PTPRG: variants seen among roughly 807,000 people sequenced by gnomAD.
PTPRG encodes protein tyrosine phosphatase receptor type G.
In PTPRG, 102 loss-of-function variants were observed where a neutral mutation model predicts 165.3. The ratio of observed to expected loss-of-function variants is 0.62; its 90% confidence interval spans 0.53 to 0.73. The LOEUF (loss-of-function observed/expected upper bound fraction) is 0.73. Ranked by LOEUF, PTPRG falls within the 30% of genes least tolerant of loss-of-function variation. PTPRG has a pLI of 0.00. For synonymous variants in PTPRG, 675 were observed against 669.5 expected (o/e 1.01, Z -0.13); for missense variants, 1,866 against 1,861.4 (o/e 1.00, Z -0.05).
chr3:61,742,271 A>G (rs2033020023), intron 1 of PTPRG, among the ~76,000 whole-genome samples: 1 of 152,112 alleles, frequency 6.6e-6, no homozygotes, highest in South Asian at 2.1e-4. Context: ...AAAAACATTT[A>G]TTCTTATAAA....
At chr3:61,733,786 T>G (rs2032611721) in intron 1 of PTPRG, among the ~76,000 whole-genome samples, 1 of 152,144 alleles carries the variant, frequency 6.6e-6, no homozygotes, top group African/African-American at 2.4e-5. Context: ...ATTGATCAAC[T>G]CTTCACTTTT....
At chr3:61,788,084 C>T (rs2034763354) in intron 2 of PTPRG, among the ~76,000 whole-genome samples, 1 of 152,136 alleles carries the variant, frequency 6.6e-6, no homozygotes, top group South Asian at 2.1e-4. Flanking sequence ...TACCTGTCCT[C>T]AAAGGACACA....
chr3:62,044,484 A>G (rs1700225720), intron 4 of PTPRG, among the ~76,000 whole-genome samples: 1 of 152,128 alleles, frequency 6.6e-6, no homozygotes, highest in African/African-American at 2.4e-5. Context: ...GGTTGCAGTT[A>G]GCTGAGATCA....
chr3:62,038,770 T>G (rs569095553), intron 4 of PTPRG, among the ~76,000 whole-genome samples: 109 of 152,220 alleles, frequency 7.2e-4, no homozygotes, highest in African/African-American at 2.1e-3. Flanking sequence ...GAGATATATA[T>G]AGAGAGATTT....
At chr3:61,854,442 C>G (rs940204793) in intron 2 of PTPRG, among the ~76,000 whole-genome samples, 1 of 152,178 alleles carries the variant, frequency 6.6e-6, no homozygotes. Context: ...TCTGTCTTCT[C>G]TATTTACTCT....
chr3:62,113,257 A>T (rs1035067771), intron 5 of PTPRG, among the ~76,000 whole-genome samples: 1 of 152,072 alleles, frequency 6.6e-6, no homozygotes, highest in Admixed American at 6.5e-5. Flanking sequence ...TGTTCCTATT[A>T]CCTGCCACAG....
chr3:62,120,615 G>A (rs771392046), intron 5 of PTPRG, among the ~76,000 whole-genome samples: 1 of 151,914 alleles, frequency 6.6e-6, no homozygotes, highest in Non-Finnish European at 1.5e-5. Context: ...GCCAAGAATG[G>A]TGGCATGCAC....
chr3:61,725,505 A>C (rs2032220379), intron 1 of PTPRG, among the ~76,000 whole-genome samples: 1 of 152,174 alleles, frequency 6.6e-6, no homozygotes. Flanking sequence ...TTTGTCAAAA[A>C]TCAGTTGGCC....
chr3:61,633,395 G>A (rs959024368), intron 1 of PTPRG, among the ~76,000 whole-genome samples: 3 of 152,198 alleles, frequency 2.0e-5, no homozygotes, highest in African/African-American at 7.2e-5. Flanking sequence ...GAAAGTCATT[G>A]GGATGAGTTA....
chr3:62,041,371 T>C (rs200559434), intron 4 of PTPRG, among the ~76,000 whole-genome samples: 2 of 152,164 alleles, frequency 1.3e-5, no homozygotes, highest in Non-Finnish European at 2.9e-5. Flanking sequence ...TCTTTTTTCA[T>C]GGGTGAGCAG....
chr3:62,131,120 A>T (rs552696122), intron 5 of PTPRG, among the ~76,000 whole-genome samples: 1 of 152,300 alleles, frequency 6.6e-6, no homozygotes, highest in South Asian at 2.1e-4. Flanking sequence ...CAACCTCTGC[A>T]CCACTGACAT....
intron 5 of PTPRG, among the ~76,000 whole-genome samples, chr3:62,113,667 T>A (rs1310872008): frequency 2.0e-5 from 3 of 152,222 alleles, no homozygotes; most frequent in Non-Finnish European, 4.4e-5. Context: ...TCCTACCCTC[T>A]GGAGGGAACC....
intron 5 of PTPRG, among the ~76,000 whole-genome samples, chr3:62,102,275 TTTC>T (rs1284478348): frequency 3.9e-5 from 6 of 152,178 alleles, no homozygotes; most frequent in African/African-American, 1.4e-4. Flanking sequence ...CTTTCTTCCC[TTTC>T]TTTTCTTTCT....
chr3:61,675,195 T>C (rs1000261245), intron 1 of PTPRG, among the ~76,000 whole-genome samples: 1 of 152,218 alleles, frequency 6.6e-6, no homozygotes, highest in Non-Finnish European at 1.5e-5. Flanking sequence ...TATTTCCATA[T>C]ATCTCTAATT....
At chr3:61,879,038 G>C (rs533754925) in intron 2 of PTPRG, among the ~76,000 whole-genome samples, 1 of 152,274 alleles carries the variant, frequency 6.6e-6, no homozygotes, top group African/African-American at 2.4e-5. Context: ...GAAAAGTAAT[G>C]ATTATTAAGA....
At chr3:62,014,003 G>T (rs767271340) in intron 4 of PTPRG, among the ~76,000 whole-genome samples, 2 of 152,124 alleles carry the variant, frequency 1.3e-5, no homozygotes, top group Non-Finnish European at 2.9e-5. Flanking sequence ...TTATGGGCCT[G>T]TGTATCAGCA....
intron 1 of PTPRG, among the ~76,000 whole-genome samples, chr3:61,690,896 A>G (rs748101096): frequency 8.5e-5 from 13 of 152,122 alleles, no homozygotes; most frequent in Admixed American, 2.0e-4. Flanking sequence ...CTTGAAAGGT[A>G]CATTACTGTT....
At chr3:62,292,615 G>T (rs551356936) in intron 29 of PTPRG, 59 bp downstream of exon 29, 12 of 1,571,948 alleles carry the variant, frequency 7.6e-6, no homozygotes, top group Non-Finnish European at 9.5e-6. Flanking sequence ...CAGACTCACA[G>T]TTTAGAGCAG....
intron 17 of PTPRG, among the ~76,000 whole-genome samples, chr3:62,266,780 A>G (rs759640498): frequency 6.7e-6 from 1 of 149,084 alleles, no homozygotes; most frequent in Non-Finnish European, 1.5e-5. Flanking sequence ...CCTTTTACTT[A>G]TTTTGCTATC....
Sources: allele counts gnomAD v4.1 joint callset (sites outside exome capture counted in the v4.1 genomes callset), GRCh38; gene constraint gnomAD v4.1.1; transcripts MANE v1.5; gene names NCBI Gene and HGNC (gene_info 2026-07-23, HGNC 2026-07-21).